RHOQ: variants seen among roughly 807,000 people sequenced by gnomAD.
RHOQ encodes ras homolog family member Q, also known as rho-related GTP-binding protein RhoQ.
A neutral mutation model predicts 25.8 loss-of-function variants in RHOQ; 7 were observed. The ratio of observed to expected loss-of-function variants is 0.27; its 90% CI spans 0.15 to 0.51. The LOEUF is 0.51. Ranked by LOEUF, RHOQ falls within the 20% of genes least tolerant of loss-of-function variation. The pLI is 0.97. For missense variants in RHOQ, 165 were observed against 260.6 expected, an observed-to-expected ratio of 0.63 and a Z score of 2.53; for synonymous variants, 97 against 98.6, an observed-to-expected ratio of 0.98 and a Z score of 0.10.
rs950200523 is a variant in RHOQ, at chr2:46,576,100, G to A, written c.215G>A (p.Arg72His). The A allele has an allele frequency of 6.9e-6, 11 of 1,604,886 alleles. No homozygotes were observed. The highest frequency in any genetic ancestry group is 4.5e-5 in the East Asian group (2 of 44,702). Residue 72 changes from arginine (R) to histidine (H), a missense_variant, in exon 3 of 5, where the codon CGT becomes CAT. Coordinates refer to ENST00000238738, the MANE Select transcript of RHOQ (RefSeq NM_012249.4). This position sits in a 1 kb window ranked among gnomAD's most constrained non-coding sequence, Gnocchi z 5.1. Reference sequence around the variant, plus strand: ...TTTGTTCCTCAGGAAGACTATGACCGTCTGAGGCCTTTATCTTACCCAATG... The same window carrying A: ...TTTGTTCCTCAGGAAGACTATGACCATCTGAGGCCTTTATCTTACCCAATG... Reference protein sequence around the residue: ...YDTAGQEDYDRLRPLSYPMTD... With the variant: ...YDTAGQEDYDHLRPLSYPMTD...
chr2:46,582,841 A>G lies in RHOQ; in HGVS notation c.*1758A>G, dbSNP rs1669444555. 6.6e-6 allele frequency: 1 copy of G among 152,592 alleles called. No homozygotes were observed. Among genetic ancestry groups the G allele is most frequent in the Non-Finnish European group, 1.5e-5 (1 of 68,036 alleles). The allele number at this position is 152,592 out of a possible 1,614,324, so 9.5% of individuals were successfully genotyped here. A position where few individuals can be genotyped will look rare whatever the true frequency, so the allele number is the denominator to read the frequency against. ...AATATAAGCATCACCTTCCCATTGA[A>G]GAGTGGAGAGAGTCTACTGGATGAC... On this transcript the variant is annotated 3_prime_UTR_variant, in exon 5 of 5. Transcript: ENST00000238738.
At chr2:46,549,778 C>A (rs1031921757) in intron 2 of RHOQ, among the ~76,000 whole-genome samples, 2 of 152,176 alleles carry the variant, frequency 1.3e-5, no homozygotes, top group Non-Finnish European at 2.9e-5. Flanking sequence ...AGGGGTCCCC[C>A]GGCTCCCTGG....
At chr2:46,568,383 GAC>G (rs1668802742) in intron 2 of RHOQ, 1 of 152,164 alleles carries the variant, frequency 6.6e-6, no homozygotes, top group Admixed American at 6.5e-5. Context: ...TTAGGGTAAA[GAC>G]ACAGGAAGCT....
intron 2 of RHOQ, among the ~76,000 whole-genome samples, chr2:46,549,782 T>A (rs893403890): frequency 5.9e-5 from 9 of 152,172 alleles, no homozygotes; most frequent in Non-Finnish European, 1.0e-4. Context: ...GTCCCCCGGC[T>A]CCCTGGGTAG....
At chr2:46,551,668 C>G (rs532491766) in intron 2 of RHOQ, among the ~76,000 whole-genome samples, 40 of 152,140 alleles carry the variant, frequency 2.6e-4, no homozygotes, top group Non-Finnish European at 1.2e-4. Context: ...GGAAAGGGGT[C>G]TTTATTGCTG....
chr2:46,564,187 C>T (rs1668659313), intron 2 of RHOQ, among the ~76,000 whole-genome samples: 1 of 152,058 alleles, frequency 6.6e-6, no homozygotes, highest in African/African-American at 2.4e-5. Flanking sequence ...TACCTGTAGT[C>T]CCAGCTACTT....
intron 2 of RHOQ, among the ~76,000 whole-genome samples, chr2:46,571,125 G>A (rs1185174825): frequency 6.6e-6 from 1 of 152,206 alleles, no homozygotes; most frequent in South Asian, 2.1e-4. Context: ...CAACTCAAGT[G>A]CCTCTTCCAA....
Position 46,581,197 on chromosome 2 carries a change from A to G in RHOQ, c.*114A>G, listed in dbSNP as rs1669355170. 9.0e-6 allele frequency: 9 copies of G among 994,564 alleles called. No homozygotes were observed. The highest frequency in any genetic ancestry group is 1.3e-5 in the Non-Finnish European group (9 of 692,460). 61.6% of individuals were successfully genotyped at this position (994,564 alleles called of 1,614,324 possible). On this transcript the variant is annotated 3_prime_UTR_variant, in exon 5 of 5. Coordinates refer to ENST00000238738, the MANE Select transcript of RHOQ (RefSeq NM_012249.4). ...TGAAGCAGTTCAAAACTTGAAAGAAAACAAAACCTGTCCTCAGAATTCTAT... is the reference window on the plus strand; with the variant it reads ...TGAAGCAGTTCAAAACTTGAAAGAAGACAAAACCTGTCCTCAGAATTCTAT...
At chr2:46,575,303 G>A (rs980326170) in intron 2 of RHOQ, among the ~76,000 whole-genome samples, 1 of 151,848 alleles carries the variant, frequency 6.6e-6, no homozygotes, top group African/African-American at 2.4e-5. Flanking sequence ...AAAAGAACTG[G>A]AAGAATAAAC....
Position 46,581,493 on chromosome 2 carries a change from T to G in RHOQ, c.*410T>G. 6.2e-7 allele frequency: 1 copy of G among 1,611,292 alleles called. No individual in the cohort carries two copies. Among genetic ancestry groups the G allele is most frequent in the Non-Finnish European group, 8.5e-7 (1 of 1,179,434 alleles). ...TTTGCTCCAGTTAATTGTTCTTGTATGTAAGTTGCTTTCTATTCCAGTATA... is the reference window on the plus strand; with the variant it reads ...TTTGCTCCAGTTAATTGTTCTTGTAGGTAAGTTGCTTTCTATTCCAGTATA... On this transcript the variant is annotated 3_prime_UTR_variant, in exon 5 of 5. Transcript: ENST00000238738.
chr2:46,562,942 G>T (rs565362044), intron 2 of RHOQ, among the ~76,000 whole-genome samples: 2 of 152,326 alleles, frequency 1.3e-5, no homozygotes, highest in East Asian at 3.9e-4. Flanking sequence ...AATGGAAAAG[G>T]AACACTATTC....
At chr2:46,573,041 G>A (rs762865374) in intron 2 of RHOQ, among the ~76,000 whole-genome samples, 2 of 151,262 alleles carry the variant, frequency 1.3e-5, no homozygotes, top group Non-Finnish European at 2.9e-5. Context: ...AAGCAGAAAG[G>A]TCTCATTCTT....
At chr2:46,558,471 C>T (rs1210961516) in intron 2 of RHOQ, among the ~76,000 whole-genome samples, 6 of 152,116 alleles carry the variant, frequency 3.9e-5, no homozygotes, top group Non-Finnish European at 1.5e-5. Context: ...AAGGCATTGT[C>T]CCATTGTCTT....
At chr2:46,573,836 G>A (rs1189854118) in intron 2 of RHOQ, among the ~76,000 whole-genome samples, 1 of 152,150 alleles carries the variant, frequency 6.6e-6, no homozygotes, top group Admixed American at 6.5e-5. Context: ...ATCTATTTTT[G>A]TTACATTTTA....
chr2:46,559,482 A>T (rs1281749487), intron 2 of RHOQ, among the ~76,000 whole-genome samples: 1 of 151,940 alleles, frequency 6.6e-6, no homozygotes, highest in Non-Finnish European at 1.5e-5. Context: ...GGGCTGGTTG[A>T]CTCTGAGCTT....
At chr2:46,574,541 A>C (rs1185040189) in intron 2 of RHOQ, among the ~76,000 whole-genome samples, 2 of 152,138 alleles carry the variant, frequency 1.3e-5, no homozygotes, top group Non-Finnish European at 2.9e-5. Flanking sequence ...GAATTTCTTA[A>C]CACCAGGGCA....
At chr2:46,580,789 TG>T in intron 4 of RHOQ, 138 bp from the exon 5 acceptor site, 1 of 581,902 alleles carries the variant, frequency 1.7e-6, no homozygotes, top group Non-Finnish European at 2.8e-6. Context: ...AAATCCCCTC[TG>T]GGGTTATGAA....
In RHOQ at chr2:46,552,261, C is replaced by G. The variant is rs1668267222; in HGVS notation, c.201+8449C>G. On this transcript the variant is annotated intron_variant, in intron 2 of 4. Coordinates refer to ENST00000238738, the MANE Select transcript of RHOQ (RefSeq NM_012249.4). The surrounding 1 kb of genome is among the most constrained non-coding windows in gnomAD (Gnocchi z 5.0). ...TTGTCCCTAAACCACCATGCTTCCT[C>G]AAAAAGGAGCAGGCCCGAGGTGGCG... 6.6e-6 allele frequency among the ~76,000 whole-genome samples: 1 copy of G among 152,190 alleles called. No individual in the cohort carries two copies.
rs1572764956 is a variant in RHOQ, at chr2:46,583,937, C to G, written c.*2854C>G. Among the ~76,000 whole-genome samples, 1 of 152,106 alleles carries G rather than the reference C, an allele frequency of 6.6e-6. No homozygotes were observed. The highest frequency in any genetic ancestry group is 2.4e-5 in the African/African-American group (1 of 41,422). ...TCTTAAAAATAAATTTAGGGGCTCC[C>G]TGAAATTTTATTTAATACTTTGCTA... is the stretch of plus-strand genomic sequence containing the variant. On this transcript the variant is annotated 3_prime_UTR_variant, in exon 5 of 5. Coordinates refer to ENST00000238738, the MANE Select transcript of RHOQ (RefSeq NM_012249.4).
Sources: allele counts gnomAD v4.1 joint callset (sites outside exome capture counted in the v4.1 genomes callset), GRCh38; gene constraint gnomAD v4.1.1; non-coding constraint Gnocchi (gnomAD v3.1); transcripts MANE v1.5; gene names NCBI Gene and HGNC (gene_info 2026-07-23, HGNC 2026-07-21).